SCHIP1: variants seen among roughly 807,000 people sequenced by gnomAD.
SCHIP1 encodes the protein schwannomin-interacting protein 1.
Under a neutral mutation model 29.7 loss-of-function variants are expected in SCHIP1, and 8 were observed. The ratio of observed to expected loss-of-function variants is 0.27; its 90% confidence interval spans 0.16 to 0.49. The LOEUF is 0.49. Ranked by LOEUF, SCHIP1 falls within the 20% of genes least tolerant of loss-of-function variation. The probability of loss-of-function intolerance (pLI) is 0.99; values close to 1 mark genes in which losing one functional copy is unlikely to be tolerated. For synonymous variants in SCHIP1, 76 were observed against 94.9 expected, an observed-to-expected ratio of 0.80 and a Z score of 1.16; for missense variants, 193 against 294.6, an observed-to-expected ratio of 0.66 and a Z score of 2.52.
chr3:159,797,158 A>C, the SCHIP1 span, among the ~76,000 whole-genome samples: 2 of 152,240 alleles, frequency 1.3e-5, no homozygotes, highest in Non-Finnish European at 2.9e-5. Context: ...TACTATTTAT[A>C]AGTTGGTAAG....
At chr3:159,538,677 G>A in the SCHIP1 span, among the ~76,000 whole-genome samples, 6 of 152,078 alleles carry the variant, frequency 3.9e-5, no homozygotes, top group African/African-American at 9.7e-5. Flanking sequence ...CATTGGTTTT[G>A]TTTGCCTGTA....
At chr3:159,401,931 G>C in the SCHIP1 span, among the ~76,000 whole-genome samples, 1 of 152,054 alleles carries the variant, frequency 6.6e-6, no homozygotes, top group African/African-American at 2.4e-5. Flanking sequence ...AGCCAAAATG[G>C]GATCTAATTA....
the SCHIP1 span, among the ~76,000 whole-genome samples, chr3:159,381,182 T>A: frequency 6.6e-6 from 1 of 152,150 alleles, no homozygotes; most frequent in Non-Finnish European, 1.5e-5. Flanking sequence ...CAAACAAGAA[T>A]GTCAAGCAAA....
the SCHIP1 span, among the ~76,000 whole-genome samples, chr3:159,457,451 G>A: frequency 6.6e-6 from 1 of 151,604 alleles, no homozygotes; most frequent in South Asian, 2.1e-4. Context: ...CAAAATTGGT[G>A]CTGTGCTTTG....
At chr3:159,719,356 T>C in the SCHIP1 span, among the ~76,000 whole-genome samples, 2 of 152,112 alleles carry the variant, frequency 1.3e-5, no homozygotes, top group African/African-American at 4.8e-5. Flanking sequence ...CCAAAAGCAA[T>C]GGCAACAGTA....
At chr3:159,839,632 T>C (rs1382310811), upstream of SCHIP1, among the ~76,000 whole-genome samples, 2 of 88,446 alleles carry the variant, frequency 2.3e-5, no homozygotes, top group African/African-American at 9.5e-5. Context: ...CTTTTTCTTT[T>C]TTTTTTTTTT....
the SCHIP1 span, among the ~76,000 whole-genome samples, chr3:159,508,922 T>C: frequency 1.3e-5 from 2 of 152,242 alleles, no homozygotes; most frequent in African/African-American, 4.8e-5. Context: ...TGCAGTGTGG[T>C]GCTAAGAAGA....
chr3:159,847,767 C>T (rs1318396065), intron 1 of SCHIP1, among the ~76,000 whole-genome samples: 1 of 152,086 alleles, frequency 6.6e-6, no homozygotes, highest in Admixed American at 6.5e-5. Flanking sequence ...CTTTTAATAC[C>T]ATTATTTTAA....
intron 6 of SCHIP1, chr3:159,892,409 T>C (rs1717631156): frequency 1.6e-6 from 1 of 612,588 alleles, no homozygotes; most frequent in African/African-American, 1.8e-5. Flanking sequence ...TGTGATGAAT[T>C]GTCAGTGCAT....
the SCHIP1 span, among the ~76,000 whole-genome samples, chr3:159,303,803 A>G: frequency 6.6e-6 from 1 of 152,126 alleles, no homozygotes; most frequent in African/African-American, 2.4e-5. Flanking sequence ...AAATGGAGAA[A>G]TCTTCCATAA....
At chr3:159,611,805 C>A in the SCHIP1 span, among the ~76,000 whole-genome samples, 1 of 152,036 alleles carries the variant, frequency 6.6e-6, no homozygotes, top group Admixed American at 6.5e-5. Context: ...AGAAGATGCC[C>A]ATCAAATACA....
At chr3:159,348,387 CTAAATAT>C in the SCHIP1 span, among the ~76,000 whole-genome samples, 1 of 152,210 alleles carries the variant, frequency 6.6e-6, no homozygotes, top group East Asian at 1.9e-4. Flanking sequence ...AGTTTTACTT[CTAAATAT>C]TAAACCATAT....
the SCHIP1 span, among the ~76,000 whole-genome samples, chr3:159,530,550 C>T: frequency 1.3e-5 from 2 of 152,202 alleles, no homozygotes; most frequent in Non-Finnish European, 2.9e-5. Context: ...AAATATCCAT[C>T]TCCTTTGCTC....
the SCHIP1 span, among the ~76,000 whole-genome samples, chr3:159,413,322 C>A: frequency 1.3e-5 from 2 of 152,286 alleles, no homozygotes; most frequent in Admixed American, 6.5e-5. Flanking sequence ...GCAGAGCTAT[C>A]CTCAATGGCG....
chr3:159,608,124 G>A, the SCHIP1 span, among the ~76,000 whole-genome samples: 1 of 152,174 alleles, frequency 6.6e-6, no homozygotes, highest in Non-Finnish European at 1.5e-5. Context: ...GCAAGACAAT[G>A]TGATCGTTAT....
At chr3:159,743,854 T>A in the SCHIP1 span, among the ~76,000 whole-genome samples, 1 of 152,242 alleles carries the variant, frequency 6.6e-6, no homozygotes, top group African/African-American at 2.4e-5. Context: ...TTTTTCTCTA[T>A]ATTATTTCTT....
At chr3:159,431,371 T>C in the SCHIP1 span, among the ~76,000 whole-genome samples, 1 of 150,456 alleles carries the variant, frequency 6.6e-6, no homozygotes, top group South Asian at 2.1e-4. Context: ...GTATAAAAGG[T>C]GAGGGGAAAA....
chr3:159,761,939 T>A, the SCHIP1 span, among the ~76,000 whole-genome samples: 1 of 152,170 alleles, frequency 6.6e-6, no homozygotes, highest in Admixed American at 6.5e-5. Flanking sequence ...ACCACAACTC[T>A]CTCTCATCAC....
At chr3:159,888,191 C>T (rs568282547) in intron 4 of SCHIP1, 9 of 424,998 alleles carry the variant, frequency 2.1e-5, no homozygotes, top group East Asian at 1.4e-4. Context: ...TCCTTTGAAG[C>T]GATCTCAATC....
Sources: allele counts gnomAD v4.1 joint callset (sites outside exome capture counted in the v4.1 genomes callset), GRCh38; gene constraint gnomAD v4.1.1; transcripts MANE v1.5; gene names NCBI Gene and HGNC (gene_info 2026-07-23, HGNC 2026-07-21).